The following HOXA10 variants were observed in gnomAD, a reference collection of about 807,000 sequenced individuals.
HOXA10 encodes the protein homeobox protein Hox-A10.
A neutral mutation model predicts 29.7 loss-of-function variants in HOXA10; 12 were observed. That is an observed-to-expected ratio of 0.40 (90% CI 0.26 to 0.65). The LOEUF (loss-of-function observed/expected upper bound fraction) is 0.65, where lower values mean the gene tolerates loss of function less well. Among genes scored for constraint, HOXA10 ranks in the 30% least tolerant of loss-of-function variants. HOXA10 has a pLI of 0.37. For synonymous variants in HOXA10, 327 were observed against 280.7 expected, an observed-to-expected ratio of 1.16 and a Z score of -1.65; for missense variants, 656 against 585.9, an observed-to-expected ratio of 1.12 and a Z score of -1.24.
At chr7:27,179,310 CT>C (rs10634973), upstream of HOXA10, among the ~76,000 whole-genome samples, 274 of 141,530 alleles carry the variant, frequency 1.9e-3, no homozygotes, top group East Asian at 2.1e-3. Context: ...CCGCGATCAC[CT>C]TTTTTTTTTT....
upstream of HOXA10, among the ~76,000 whole-genome samples, chr7:27,177,451 G>A (rs760882253): frequency 1.8e-4 from 28 of 152,248 alleles, no homozygotes; most frequent in African/African-American, 5.8e-4. Flanking sequence ...TGAGCTGGCC[G>A]GCTGCAGGCG....
At position 27,171,148 on chromosome 7, in the gene HOXA10, T is replaced by C. The variant is rs1783469698; in HGVS notation, c.*751A>G. On this transcript the variant is annotated 3_prime_UTR_variant, in exon 2 of 2. Coordinates refer to ENST00000283921, the MANE Select transcript of HOXA10 (RefSeq NM_018951.4). ...CCAGAAGGATATGGAAATTTAGAGG[T>C]AAATGAAACATTTTAGTCAGGCAAT... is the stretch of plus-strand genomic sequence containing the variant. The C allele has an allele frequency of 2.2e-6, 1 of 453,398 alleles. No individual in the cohort carries two copies. The highest frequency in any genetic ancestry group is 4.4e-6 in the Non-Finnish European group (1 of 226,572). The allele number at this position is 453,398 out of a possible 1,614,324, so 28.1% of individuals were successfully genotyped here.
At chr7:27,173,286 C>T (rs1382008903) in intron 1 of HOXA10, 63 bp downstream of exon 1, 1 of 1,603,018 alleles carries the variant, frequency 6.2e-7, no homozygotes, top group South Asian at 1.1e-5. Context: ...GTTTTCTGAT[C>T]CTTCTCCTCC....
chr7:27,174,342 C>A, upstream of HOXA10: 1 of 1,593,674 alleles, frequency 6.3e-7, no homozygotes, highest in Admixed American at 1.7e-5. Context: ...GATTAGCAAT[C>A]CCCCCGCACC....
intron 1 of HOXA10, chr7:27,179,537 C>T (rs540915692): frequency 9.8e-6 from 7 of 717,180 alleles, no homozygotes; most frequent in African/African-American, 3.5e-5. Context: ...GGCTCCCTAC[C>T]GCGTCACCCC....
Position 27,171,228 on chromosome 7 carries a change from T to C in HOXA10, c.*671A>G, listed in dbSNP as rs1319032487. 2.2e-6 allele frequency: 1 copy of C among 453,984 alleles called. No individual in the cohort carries two copies. The highest frequency in any genetic ancestry group is 4.4e-6 in the Non-Finnish European group (1 of 226,778). 28.1% of individuals were successfully genotyped at this position (453,984 alleles called of 1,614,324 possible). A position where few individuals can be genotyped will look rare whatever the true frequency, so the allele number is the denominator to read the frequency against. ...TCCCCTTCTCTTGGTAATTCTTTTTTTTTCTTTTTAAAGCTGGGATATCTT... is the reference window on the plus strand; with the variant it reads ...TCCCCTTCTCTTGGTAATTCTTTTTCTTTCTTTTTAAAGCTGGGATATCTT... On this transcript the variant is annotated 3_prime_UTR_variant, in exon 2 of 2. Transcript: ENST00000283921.
Position 27,173,598 on chromosome 7 carries a change from C to A in HOXA10, c.709G>T (p.Gly237Trp), listed in dbSNP as rs924787347. The A allele has an allele frequency of 3.3e-6, 5 of 1,530,110 alleles. No homozygotes were observed. Among genetic ancestry groups the A allele is most frequent in the Non-Finnish European group, 4.4e-6 (5 of 1,140,328 alleles). The allele number at this position is 1,530,110 out of a possible 1,614,324, so 94.8% of individuals were successfully genotyped here. ...GGCTGCGCGGGGAACGGGCCAGCCCCGAGTTGCTGCGCGCCGCCGCCGCCG... is the reference window on the plus strand; with the variant it reads ...GGCTGCGCGGGGAACGGGCCAGCCCAGAGTTGCTGCGCGCCGCCGCCGCCG... Reference protein sequence around the residue: ...GSGGGGAQQLGAGPFPAQPPG... With the variant: ...GSGGGGAQQLWAGPFPAQPPG... Residue 237 changes from glycine (G) to tryptophan (W), a missense_variant, in exon 1 of 2, where the codon GGG becomes TGG. Coordinates refer to ENST00000283921, the MANE Select transcript of HOXA10 (RefSeq NM_018951.4).
At position 27,173,967 on chromosome 7, in the gene HOXA10, G is replaced by T; in HGVS notation, c.340C>A (p.Pro114Thr). ...GGCGCGTCTAGCCACAGGTCTATGG[G>T]CGAGGGCCCGTAGCCGTGCGCCCCG... Reference protein sequence around the residue: ...GPGAHGYGPSPIDLWLDAPRS... With the variant: ...GPGAHGYGPSTIDLWLDAPRS... Residue 114 changes from proline (P) to threonine (T), a missense_variant, in exon 1 of 2, where the codon CCC becomes ACC. Physicochemically the swap from Pro to Thr is conservative, Grantham distance 38. This residue lies in a region of HOXA10 where 594 missense variants were observed against 491.9 expected (regional missense o/e 1.21). Coordinates refer to ENST00000283921, the MANE Select transcript of HOXA10 (RefSeq NM_018951.4). 6.5e-7 allele frequency: 1 copy of T among 1,529,682 alleles called. No individual in the cohort carries two copies. The highest frequency in any genetic ancestry group is 8.8e-7 in the Non-Finnish European group (1 of 1,142,124). The allele number at this position is 1,529,682 out of a possible 1,614,324, so 94.8% of individuals were successfully genotyped here. A position where few individuals can be genotyped will look rare whatever the true frequency, so the allele number is the denominator to read the frequency against.
chr7:27,173,497 G>T lies in HOXA10; in HGVS notation c.810C>A (p.Leu270=), dbSNP rs764459132. ...SADAARKERA[L]DSPPPPTLAC... ...CCAGCGTGGGGGGCGGCGGCGAATC[G>T]AGGGCTCGCTCCTTCCGGGCCGCAT... The change falls in exon 1 of 2, where the codon CTC becomes CTA. Residue 270 remains leucine, a synonymous_variant. Coordinates refer to ENST00000283921, the MANE Select transcript of HOXA10 (RefSeq NM_018951.4). 6.5e-7 allele frequency: 1 copy of T among 1,527,302 alleles called. No individual in the cohort carries two copies. The highest frequency in any genetic ancestry group is 2.5e-5 in the East Asian group (1 of 40,294). The allele number at this position is 1,527,302 out of a possible 1,614,324, so 94.6% of individuals were successfully genotyped here.
rs1157702531 is a variant in HOXA10 at position 27,170,987 on chromosome 7, C to T, written c.*912G>A. 4 of 453,240 alleles carry T rather than the reference C, an allele frequency of 8.8e-6. No homozygotes were observed. The highest frequency in any genetic ancestry group is 1.4e-4 in the East Asian group (2 of 14,386). The allele number at this position is 453,240 out of a possible 1,614,324, so 28.1% of individuals were successfully genotyped here. On this transcript the variant is annotated 3_prime_UTR_variant, in exon 2 of 2. Transcript: ENST00000283921. Reference sequence around the variant, plus strand: ...CAAAAAAAAAACTTTTTGTTCAAGGCGATTTAAAAAAACAACTTCACAAGA... The same window carrying T: ...CAAAAAAAAAACTTTTTGTTCAAGGTGATTTAAAAAAACAACTTCACAAGA...
Position 27,171,847 on chromosome 7 carries a change from G to A in HOXA10, c.*52C>T, listed in dbSNP as rs1218610370. 2.9e-5 allele frequency: 47 copies of A among 1,595,254 alleles called. No individual in the cohort carries two copies. Among genetic ancestry groups the A allele is most frequent in the Non-Finnish European group, 4.0e-5 (47 of 1,163,352 alleles). On this transcript the variant is annotated 3_prime_UTR_variant, in exon 2 of 2. Coordinates refer to ENST00000283921, the MANE Select transcript of HOXA10 (RefSeq NM_018951.4). ...TTCCTGGGCAGAGCCTGAAGACAGA[G>A]GGAGGGGACCAGCGCTCGGGAAGTG...
chr7:27,174,052 G>A lies in HOXA10; in HGVS notation c.255C>T (p.Gly85=). Residue 85 remains glycine (G), a synonymous_variant, in exon 1 of 2, where the codon GGC becomes GGT. Transcript: ENST00000283921. ...LQSCGLFPTL[G]GKRNEAASPG... ...GCGACGCTGCCTCATTGCGCTTGCC[G>A]CCCAGCGTGGGGAAGAGCCCGCAGC... The A allele has an allele frequency of 6.5e-7, 1 of 1,543,922 alleles. No homozygotes were observed. The highest frequency in any genetic ancestry group is 8.7e-7 in the Non-Finnish European group (1 of 1,151,492).
chr7:27,174,877 G>A (rs1172867311), upstream of HOXA10: 2 of 154,428 alleles, frequency 1.3e-5, no homozygotes, highest in Non-Finnish European at 2.9e-5. Context: ...TCCTCAGAGT[G>A]TCAGGAGCCC....
Position 27,173,505 on chromosome 7 carries a change from G to A in HOXA10, c.802C>T (p.Arg268Ter). 6.7e-7 allele frequency: 1 copy of A among 1,503,080 alleles called. No homozygotes were observed. 93.1% of individuals were successfully genotyped at this position (1,503,080 alleles called of 1,614,324 possible). Residue 268 changes from arginine to a stop codon, truncating the protein, a stop_gained, in exon 1 of 2, where the codon CGA becomes TGA. Transcript: ENST00000283921. LOFTEE classifies it high-confidence loss of function. ...SGSADAARKE[R>*]ALDSPPPPTL... is the part of the protein sequence containing the mutation. The stretch of plus-strand genomic sequence containing the variant: ...GGGGGCGGCGGCGAATCGAGGGCTC[G>A]CTCCTTCCGGGCCGCATCGGCCGAG...
At position 27,173,893 on chromosome 7, in the gene HOXA10, C is replaced by A. The variant is rs775730758; in HGVS notation, c.414G>T (p.Gln138His). 6.5e-7 allele frequency: 1 copy of A among 1,543,886 alleles called. No homozygotes were observed. Residue 138 changes from glutamine to histidine, a missense_variant, in exon 1 of 2, where the codon CAG (glutamine) becomes CAT (histidine). By Grantham distance (24) the Gln-to-His change is conservative. Transcript: ENST00000283921. ...GTTGCGGCGGGGGCGGCGGCTGCTGCTGGGGCGGCGGCGGCGGCCCGTCAG... is the reference window on the plus strand; with the variant it reads ...GTTGCGGCGGGGGCGGCGGCTGCTGATGGGGCGGCGGCGGCGGCCCGTCAG... ...EPPDGPPPPP[Q>H]QQPPPPPQPP...
Position 27,171,528 on chromosome 7 carries a change from A to T in HOXA10, c.*371T>A. ...ACAATGGGACCTCGGCCTTCCGGCT[A>T]GGTTTGCCCCAGGCTGGGCAGGAAA... is the stretch of plus-strand genomic sequence containing the variant. On this transcript the variant is annotated 3_prime_UTR_variant, in exon 2 of 2. Coordinates refer to ENST00000283921, the MANE Select transcript of HOXA10 (RefSeq NM_018951.4). 2.1e-6 allele frequency: 1 copy of T among 471,222 alleles called. No homozygotes were observed. Among genetic ancestry groups the T allele is most frequent in the Non-Finnish European group, 4.2e-6 (1 of 238,350 alleles). 29.2% of individuals were successfully genotyped at this position (471,222 alleles called of 1,614,324 possible). A position where few individuals can be genotyped will look rare whatever the true frequency, so the allele number is the denominator to read the frequency against.
Position 27,171,199 on chromosome 7 carries a change from G to T in HOXA10, c.*700C>A. 2.2e-6 allele frequency: 1 copy of T among 454,198 alleles called. No homozygotes were observed. The highest frequency in any genetic ancestry group is 1.6e-5 in the South Asian group (1 of 64,388). The allele number at this position is 454,198 out of a possible 1,614,324, so 28.1% of individuals were successfully genotyped here. ...GTAAGACCTTACAGAAACTGGAAGA[G>T]AAGTCCCCTTCTCTTGGTAATTCTT... is the stretch of plus-strand genomic sequence containing the variant. On this transcript the variant is annotated 3_prime_UTR_variant, in exon 2 of 2. Coordinates refer to ENST00000283921, the MANE Select transcript of HOXA10 (RefSeq NM_018951.4).
At position 27,173,809 on chromosome 7, in the gene HOXA10, C is replaced by G; in HGVS notation, c.498G>C (p.Glu166Asp). 6.2e-7 allele frequency: 1 copy of G among 1,611,576 alleles called. No individual in the cohort carries two copies. The highest frequency in any genetic ancestry group is 8.5e-7 in the Non-Finnish European group (1 of 1,178,900). The change falls in exon 1 of 2, where the codon GAG becomes GAC. Residue 166 changes from glutamate to aspartate, a missense_variant. By Grantham distance (45) the Glu-to-Asp change is conservative. Around this residue, in one of 2 missense-constraint regions of HOXA10, gnomAD observed 594 missense variants for 491.9 expected, o/e 1.21. Transcript: ENST00000283921. The part of the protein sequence containing the change: ...SCSFAQNIKE[E>D]SSYCLYDSAD... The stretch of plus-strand genomic sequence containing the variant: ...CCGAGTCGTAGAGGCAGTAGGAGCT[C>G]TCTTCTTTGATGTTCTGCGCGAAAG...
At position 27,173,701 on chromosome 7, in the gene HOXA10, C is replaced by T. The variant is rs765603921; in HGVS notation, c.606G>A (p.Leu202=). 6.4e-7 allele frequency: 1 copy of T among 1,569,898 alleles called. No homozygotes were observed. Among genetic ancestry groups the T allele is most frequent in the Non-Finnish European group, 8.6e-7 (1 of 1,158,316 alleles). ...GCACTGGCACCCCGCTGGAGGTGCC[C>T]AGGGCGCAGCCGTCGGGCGGCGGGC... is the stretch of plus-strand genomic sequence containing the variant. The part of the protein sequence containing the change: ...PRGPPPDGCA[L]GTSSGVPVPG... Residue 202 remains leucine (L), a synonymous_variant, in exon 1 of 2, where the codon CTG becomes CTA. Coordinates refer to ENST00000283921, the MANE Select transcript of HOXA10 (RefSeq NM_018951.4).
Sources: allele counts gnomAD v4.1 joint callset (sites outside exome capture counted in the v4.1 genomes callset), GRCh38; gene constraint gnomAD v4.1.1; regional missense constraint gnomAD v4.1.1; transcripts MANE v1.5; gene names NCBI Gene and HGNC (gene_info 2026-07-23, HGNC 2026-07-21).